The following RIMS2 variants were observed in gnomAD, a reference collection of about 807,000 sequenced individuals.
The protein encoded by RIMS2 is regulating synaptic membrane exocytosis protein 2.
Under a neutral mutation model 174.4 loss-of-function variants are expected in RIMS2, and 59 were observed. That is an observed-to-expected ratio of 0.34 (90% CI 0.27 to 0.42). RIMS2 has a LOEUF of 0.42. RIMS2 is among the 10% of genes least tolerant of loss of function. RIMS2 has a pLI of 1.00. For synonymous variants in RIMS2, 606 were observed against 572.5 expected, an observed-to-expected ratio of 1.06 and a Z score of -0.84; for missense variants, 1,620 against 1,666.3, an observed-to-expected ratio of 0.97 and a Z score of 0.48.
chr8:103,681,907 A>C (rs1403281304), intron 1 of RIMS2, among the ~76,000 whole-genome samples: 1 of 152,106 alleles, frequency 6.6e-6, no homozygotes, highest in Non-Finnish European at 1.5e-5. Context: ...TAGTATTGGC[A>C]GCATATAATG....
At chr8:103,905,659 A>G (rs2074219632) in intron 4 of RIMS2, among the ~76,000 whole-genome samples, 1 of 94,278 alleles carries the variant, frequency 1.1e-5, no homozygotes, top group African/African-American at 4.8e-5. Context: ...ATTTCTTTGA[A>G]TACTTTTTTT....
downstream of RIMS2, chr8:104,255,538 T>C (rs1314147945): frequency 6.6e-6 from 1 of 152,274 alleles, no homozygotes; most frequent in Non-Finnish European, 1.5e-5. Context: ...ATGGCTGCCA[T>C]TGATGCCAAC....
chr8:103,805,403 A>C (rs1239867987), intron 3 of RIMS2, among the ~76,000 whole-genome samples: 2 of 152,162 alleles, frequency 1.3e-5, no homozygotes, highest in Non-Finnish European at 2.9e-5. Context: ...TAAGTCAGCA[A>C]AAATAAATAG....
chr8:104,229,601 G>A lies in RIMS2; in HGVS notation c.3335-15315G>A, dbSNP rs112856693. Among the ~76,000 whole-genome samples the A allele has an allele frequency of 2.4e-3, 367 of 152,244 alleles. 3 individuals carry two copies. The highest frequency in any genetic ancestry group is 0.01 in the Middle Eastern group (3 of 294). Reference sequence around the variant, plus strand: ...GAGCATTCTTTTCCCATTTCTTGCCGTTGATTCTGTCTTTGCATGGCTGCT... The same window carrying A: ...GAGCATTCTTTTCCCATTTCTTGCCATTGATTCTGTCTTTGCATGGCTGCT... On this transcript the variant is annotated intron_variant, in intron 19 of 23. Coordinates refer to ENST00000504942, the Ensembl canonical transcript of RIMS2.
At chr8:103,860,962 TC>T (rs1339204086) in intron 3 of RIMS2, among the ~76,000 whole-genome samples, 3 of 151,916 alleles carry the variant, frequency 2.0e-5, no homozygotes, top group Admixed American at 6.6e-5. Context: ...TTATATTTTT[TC>T]TTTTTATATT....
At chr8:103,636,793 C>T (rs928228333) in intron 1 of RIMS2, among the ~76,000 whole-genome samples, 2 of 54,200 alleles carry the variant, frequency 3.7e-5, no homozygotes, top group Admixed American at 1.8e-4. Context: ...CCCGCACCCC[C>T]CCCCCCCCAC....
At chr8:103,560,175 C>T (rs890883509) in intron 1 of RIMS2, among the ~76,000 whole-genome samples, 1 of 152,070 alleles carries the variant, frequency 6.6e-6, no homozygotes, top group Non-Finnish European at 1.5e-5. Flanking sequence ...CAAGGGACAT[C>T]GATGAATTGC....
At chr8:103,535,324 C>T (rs886889062) in intron 1 of RIMS2, among the ~76,000 whole-genome samples, 7 of 152,144 alleles carry the variant, frequency 4.6e-5, no homozygotes, top group Non-Finnish European at 7.4e-5. Context: ...CATAGTTTGG[C>T]AATGAGCTAT....
intron 3 of RIMS2, among the ~76,000 whole-genome samples, chr8:103,862,856 T>G (rs985412807): frequency 6.6e-6 from 1 of 152,096 alleles, no homozygotes; most frequent in Non-Finnish European, 1.5e-5. Context: ...ATTTATTAAG[T>G]CTAGGAATCT....
chr8:104,095,874 A>G (rs1054031776), intron 19 of RIMS2, among the ~76,000 whole-genome samples: 19 of 152,242 alleles, frequency 1.2e-4, no homozygotes, highest in East Asian at 3.9e-4. Flanking sequence ...CCCATTGAGT[A>G]TACAATTCAG....
intron 3 of RIMS2, among the ~76,000 whole-genome samples, chr8:103,845,250 C>T (rs1416043618): frequency 2.6e-5 from 4 of 151,874 alleles, no homozygotes; most frequent in Non-Finnish European, 5.9e-5. Flanking sequence ...CACTTTGTAC[C>T]ATACTCCTTT....
chr8:103,801,484 A>G (rs2098607638), intron 3 of RIMS2, among the ~76,000 whole-genome samples: 1 of 152,226 alleles, frequency 6.6e-6, no homozygotes, highest in Non-Finnish European at 1.5e-5. Context: ...TAGAGGCAGA[A>G]TAGACATTTT....
At chr8:103,772,771 G>T (rs948091714) in intron 3 of RIMS2, among the ~76,000 whole-genome samples, 1 of 152,114 alleles carries the variant, frequency 6.6e-6, no homozygotes, top group Non-Finnish European at 1.5e-5. Flanking sequence ...CAGTGAAACA[G>T]AATGGAGAGT....
At chr8:103,828,889 T>C (rs1040965119) in intron 3 of RIMS2, among the ~76,000 whole-genome samples, 3 of 152,162 alleles carry the variant, frequency 2.0e-5, no homozygotes, top group Admixed American at 6.5e-5. Flanking sequence ...TGTGTGGCTT[T>C]ACTTCTGGGT....
intron 19 of RIMS2, among the ~76,000 whole-genome samples, chr8:104,170,856 A>G (rs1416456458): frequency 6.6e-6 from 1 of 152,048 alleles, no homozygotes; most frequent in Non-Finnish European, 1.5e-5. Flanking sequence ...GTTTGACAGC[A>G]GCAAATCCCC....
chr8:104,063,026 C>G (rs1005881438), intron 19 of RIMS2, among the ~76,000 whole-genome samples: 2 of 151,898 alleles, frequency 1.3e-5, no homozygotes, highest in African/African-American at 4.8e-5. Flanking sequence ...ATTTATCACT[C>G]TACTTTTAAA....
At chr8:103,786,039 T>G (rs2098440314) in intron 3 of RIMS2, among the ~76,000 whole-genome samples, 2 of 152,190 alleles carry the variant, frequency 1.3e-5, no homozygotes, top group African/African-American at 4.8e-5. Flanking sequence ...TTCTTCTAGA[T>G]TTTCTAGTTT....
chr8:103,927,712 A>T, intron 10 of RIMS2: 1 of 676,632 alleles, frequency 1.5e-6, no homozygotes, highest in African/African-American at 1.8e-5. Flanking sequence ...ATTTTGATAA[A>T]TATTGTCATG....
In RIMS2 at chr8:104,119,727, G is replaced by A. The variant is rs2098341499; in HGVS notation, c.3334+105112G>A. ...CTACCCAACAGGGTCTATGAATCAA[G>A]TACTACCAGGCTGACGCTCCGTGAG... On this transcript the variant is annotated intron_variant, in intron 19 of 23. Coordinates refer to ENST00000504942, the Ensembl canonical transcript of RIMS2. Among the ~76,000 whole-genome samples, 3 of 152,082 alleles carry A rather than the reference G, an allele frequency of 2.0e-5. No individual in the cohort carries two copies. In the South Asian group the frequency reaches 6.2e-4, roughly 32 times the overall value.
Sources: allele counts gnomAD v4.1 joint callset (sites outside exome capture counted in the v4.1 genomes callset), GRCh38; gene constraint gnomAD v4.1.1; transcripts MANE v1.5; gene names NCBI Gene and HGNC (gene_info 2026-07-23, HGNC 2026-07-21).